Variants in SEC13 observed in about 807,000 individuals in gnomAD.
The protein encoded by SEC13 is protein SEC13 homolog.
Under a neutral mutation model 49.2 loss-of-function variants are expected in SEC13, and 25 were observed. The observed-to-expected ratio is 0.51, with a 90% CI of 0.37 to 0.71. The LOEUF (loss-of-function observed/expected upper bound fraction) is 0.71. Among genes scored for constraint, SEC13 ranks in the 30% least tolerant of loss-of-function variants. The pLI is 0.00. For synonymous variants in SEC13, 148 were observed against 163.9 expected (o/e 0.90, Z 0.74); for missense variants, 383 against 417.6 (o/e 0.92, Z 0.72).
rs555392897 is a variant in SEC13 at position 10,307,366 on chromosome 3, G to A, written c.451-1674C>T. 1.2e-4 allele frequency among the ~76,000 whole-genome samples: 19 copies of A among 152,120 alleles called. No individual in the cohort carries two copies. In the East Asian group the frequency reaches 3.3e-3, roughly 26 times the overall value. ...TGGGACTGCAGGTGTGTGCCACCAC[G>A]CCTGGCTAATTTTTGTATTTTTAGT... On this transcript the variant is annotated intron_variant, in intron 5 of 8. Coordinates refer to ENST00000350697, the MANE Select transcript of SEC13 (RefSeq NM_183352.3).
chr3:10,301,011 T>C lies in SEC13; in HGVS notation c.*250A>G. 1 of 1,466,368 alleles carries C rather than the reference T, an allele frequency of 6.8e-7. No individual in the cohort carries two copies. Among genetic ancestry groups the C allele is most frequent in the Non-Finnish European group, 9.4e-7 (1 of 1,066,346 alleles). The allele number at this position is 1,466,368 out of a possible 1,614,324, so 90.8% of individuals were successfully genotyped here. On this transcript the variant is annotated 3_prime_UTR_variant, in exon 9 of 9. Transcript: ENST00000350697. ...GCCTGAACCCAAAGGTACATAAAAATGACCCAAAATAGATTTGAACATCAC... is the reference window on the plus strand; with the variant it reads ...GCCTGAACCCAAAGGTACATAAAAACGACCCAAAATAGATTTGAACATCAC...
intron 1 of SEC13, 55 bp from the exon 2 acceptor site, chr3:10,318,149 T>C: frequency 8.2e-7 from 1 of 1,212,950 alleles, no homozygotes; most frequent in Non-Finnish European, 1.2e-6. Context: ...AATACAACCA[T>C]CTCAAGTTCT....
At chr3:10,311,875 G>C in intron 5 of SEC13, 90 bp downstream of exon 5, 1 of 1,611,834 alleles carries the variant, frequency 6.2e-7, no homozygotes, top group Non-Finnish European at 8.5e-7. Flanking sequence ...GTCCAGCGGG[G>C]ACCCTCCCGT....
chr3:10,310,942 G>C (rs1701213999), intron 5 of SEC13, among the ~76,000 whole-genome samples: 2 of 152,054 alleles, frequency 1.3e-5, no homozygotes, highest in East Asian at 3.9e-4. Flanking sequence ...ATAGTAAGTA[G>C]GAGAAGCCAG....
Position 10,301,150 on chromosome 3 carries a change from G to A in SEC13, c.*111C>T, listed in dbSNP as rs1380968779. ...TGTGGCTGCATCTGTAACTCCTCCT[G>A]GGAAAATAATCCTGTTGGAGTTGGG... On this transcript the variant is annotated 3_prime_UTR_variant, in exon 9 of 9. Coordinates refer to ENST00000350697, the MANE Select transcript of SEC13 (RefSeq NM_183352.3). The A allele has an allele frequency of 6.2e-7, 1 of 1,613,948 alleles. No individual in the cohort carries two copies. Among genetic ancestry groups the A allele is most frequent in the South Asian group, 1.1e-5 (1 of 91,084 alleles).
intron 1 of SEC13, 106 bp downstream of exon 1, chr3:10,320,944 C>G (rs2059766113): frequency 6.4e-7 from 1 of 1,559,380 alleles, no homozygotes; most frequent in East Asian, 2.4e-5. Context: ...TGGAGGGGAG[C>G]TGAACGGCTC....
In SEC13 at chr3:10,312,644, A is replaced by T. The variant is rs747835810; in HGVS notation, c.251T>A (p.Ile84Asn). ...GGTGCCGTTTTCCTCTCTCCAGATA[A>T]TGACTTTCCGGTCATAGGAGCACGA... ...LASCSYDRKV[I>N]IWREENGTWE... is the part of the protein sequence containing the mutation. Residue 84 changes from isoleucine to asparagine, a missense_variant, in exon 4 of 9, where the codon ATT becomes AAT. By Grantham distance (149) the Ile-to-Asn change is moderately radical. Transcript: ENST00000350697. 1.7e-5 allele frequency: 28 copies of T among 1,614,032 alleles called. No homozygotes were observed. The highest frequency in any genetic ancestry group is 1.9e-5 in the Non-Finnish European group (23 of 1,180,036).
intron 3 of SEC13, chr3:10,314,063 C>T (rs562646221): frequency 6.6e-6 from 1 of 152,306 alleles, no homozygotes; most frequent in South Asian, 2.1e-4. Context: ...GACTAATGTA[C>T]AAAACACACA....
intron 7 of SEC13, 23 bp downstream of exon 7, chr3:10,305,010 G>C (rs764269865): frequency 6.2e-7 from 1 of 1,613,908 alleles, no homozygotes; most frequent in South Asian, 1.1e-5. Flanking sequence ...AATGACAAGG[G>C]ATACTCATGG....
chr3:10,308,994 A>G (rs1274446411), intron 5 of SEC13, among the ~76,000 whole-genome samples: 1 of 142,212 alleles, frequency 7.0e-6, no homozygotes, highest in Non-Finnish European at 1.5e-5. Context: ...CTGGATTATA[A>G]TGGCGTGATC....
At chr3:10,319,125 C>A in intron 1 of SEC13, 5 of 1,604,492 alleles carry the variant, frequency 3.1e-6, no homozygotes, top group Non-Finnish European at 4.3e-6. Flanking sequence ...CAGTGTGGAA[C>A]AGACATTTCT....
chr3:10,308,031 A>G (rs1700997171), intron 5 of SEC13, among the ~76,000 whole-genome samples: 2 of 152,250 alleles, frequency 1.3e-5, no homozygotes, highest in African/African-American at 4.8e-5. Context: ...TTGCATATTG[A>G]TAATAGTTCA....
rs557870499 is a variant in SEC13, at chr3:10,305,436, A to G, written c.584+123T>C. ...TGTCCTCCAACAGATTGAAAACAGT[A>G]TTTTACTGGCAGGAGGGAGAAAGAA... On this transcript the variant is annotated intron_variant, in intron 6 of 8. Coordinates refer to ENST00000350697, the MANE Select transcript of SEC13 (RefSeq NM_183352.3). The G allele has an allele frequency of 7.8e-6, 10 of 1,281,094 alleles. 1 individual carries two copies. In the African/African-American group the frequency reaches 1.2e-4, roughly 15 times the overall value. 79.4% of individuals were successfully genotyped at this position (1,281,094 alleles called of 1,614,324 possible).
intron 8 of SEC13, among the ~76,000 whole-genome samples, chr3:10,303,140 G>T (rs539101917): frequency 3.3e-5 from 5 of 152,312 alleles, no homozygotes; most frequent in African/African-American, 1.2e-4. Flanking sequence ...TGGTTGTGCC[G>T]TGAGCCACAC....
At chr3:10,318,696 G>A (rs79877912) in intron 1 of SEC13, among the ~76,000 whole-genome samples, 1,604 of 152,290 alleles carry the variant, frequency 0.011, 33 homozygotes, top group African/African-American at 0.037. Context: ...TCCCTGGTCC[G>A]TCACGTAGTG....
At chr3:10,310,342 T>C (rs777788523) in intron 5 of SEC13, among the ~76,000 whole-genome samples, 2 of 151,960 alleles carry the variant, frequency 1.3e-5, no homozygotes, top group Admixed American at 1.3e-4. Context: ...AATACAAAAA[T>C]TAGCCGGGTG....
intron 3 of SEC13, 27 bp downstream of exon 3, chr3:10,315,294 C>T: frequency 1.3e-6 from 2 of 1,530,544 alleles, no homozygotes; most frequent in Non-Finnish European, 1.8e-6. Context: ...ATTCCTGGAG[C>T]CCTTCCCTGG....
chr3:10,305,219 A>G (rs1700796627), intron 6 of SEC13, 63 bp from the exon 7 acceptor site: 2 of 1,537,880 alleles, frequency 1.3e-6, no homozygotes, highest in Non-Finnish European at 8.8e-7. Context: ...CTCCTCCCCA[A>G]CCCAACAGGC....
intron 5 of SEC13, among the ~76,000 whole-genome samples, chr3:10,309,934 A>G (rs535401838): frequency 4.6e-5 from 7 of 152,254 alleles, no homozygotes; most frequent in African/African-American, 1.7e-4. Context: ...ACATTGGTCT[A>G]CATCTCATCC....
Sources: allele counts gnomAD v4.1 joint callset (sites outside exome capture counted in the v4.1 genomes callset), GRCh38; gene constraint gnomAD v4.1.1; transcripts MANE v1.5; gene names NCBI Gene and HGNC (gene_info 2026-07-23, HGNC 2026-07-21).